DDX60L: variants seen among roughly 807,000 people sequenced by gnomAD.
DDX60L encodes probable ATP-dependent RNA helicase DDX60-like.
In DDX60L, 191 loss-of-function variants were observed where a neutral mutation model predicts 211.6. That is an observed-to-expected ratio of 0.90 (90% confidence interval 0.80 to 1.02). The LOEUF (loss-of-function observed/expected upper bound fraction) is 1.02, where lower values mean the gene tolerates loss of function less well. Among genes scored for constraint, DDX60L ranks in the 50% least tolerant of loss-of-function variants. The pLI is 0.00. For synonymous variants in DDX60L, 706 were observed against 694.1 expected (o/e 1.02, Z -0.27); for missense variants, 2,007 against 1,984.1 (o/e 1.01, Z -0.22).
chr4:168,430,272 C>T (rs1752141527), intron 13 of DDX60L, among the ~76,000 whole-genome samples: 1 of 152,148 alleles, frequency 6.6e-6, no homozygotes. Context: ...TTCTGTACAG[C>T]CTGCAGAACT....
At chr4:168,467,696 A>G (rs1339826704) in intron 4 of DDX60L, among the ~76,000 whole-genome samples, 1 of 152,148 alleles carries the variant, frequency 6.6e-6, no homozygotes, top group Non-Finnish European at 1.5e-5. Context: ...TTCCAAGGAA[A>G]ACTCTAGACC....
intron 30 of DDX60L, among the ~76,000 whole-genome samples, chr4:168,383,534 T>C (rs761680916): frequency 5.9e-5 from 9 of 152,244 alleles, no homozygotes; most frequent in Non-Finnish European, 1.0e-4. Context: ...TGGCTATACA[T>C]TGTTGAACTA....
At chr4:168,420,686 C>CAGAT (rs1561034946) in intron 17 of DDX60L, among the ~76,000 whole-genome samples, 2 of 85,968 alleles carry the variant, frequency 2.3e-5, no homozygotes, top group African/African-American at 8.6e-5. Context: ...GATAGATAGA[C>CAGAT]AGACAGACAG....
intron 34 of DDX60L, among the ~76,000 whole-genome samples, chr4:168,374,558 A>G (rs1428464093): frequency 6.6e-6 from 1 of 152,232 alleles, no homozygotes; most frequent in African/African-American, 2.4e-5. Context: ...GATATTTGCA[A>G]CGTCTGCTAG....
Position 168,361,185 on chromosome 4 carries a change from C to T in DDX60L, c.4955G>A (p.Cys1652Tyr), listed in dbSNP as rs1560913026. 6.2e-7 allele frequency: 1 copy of T among 1,608,472 alleles called. No individual in the cohort carries two copies. Among genetic ancestry groups the T allele is most frequent in the East Asian group, 2.2e-5 (1 of 44,752 alleles). Reference protein sequence around the residue: ...NGMRMGQLLKCLKDFAFNIQA... With the variant: ...NGMRMGQLLKYLKDFAFNIQA... The stretch of plus-strand genomic sequence containing the variant: ...AATGTTGAATGCAAAATCTTTCAAA[C>T]ACTTTAAAAGCTGTCCCATACGCAT... Residue 1652 changes from cysteine (C) to tyrosine (Y), a missense_variant, in exon 37 of 38, where the codon TGT (cysteine) becomes TAT (tyrosine). Physicochemically the swap from Cys to Tyr is radical, Grantham distance 194. Transcript: ENST00000682922.
In DDX60L at chr4:168,421,740, G is replaced by A. The variant is rs922407956; in HGVS notation, c.2394+20C>T. On this transcript the variant is annotated intron_variant, in intron 17 of 37. Coordinates refer to ENST00000682922, the MANE Select transcript of DDX60L (RefSeq NM_001012967.3). ...GATGTTCAGGAACAAAAGCAAAAAT[G>A]AAAGTCATTCAAACACTACCTTTGC... 5.0e-6 allele frequency: 8 copies of A among 1,612,324 alleles called. No individual in the cohort carries two copies. Among genetic ancestry groups the A allele is most frequent in the Non-Finnish European group, 6.8e-6 (8 of 1,178,844 alleles).
At chr4:168,370,893 G>C (rs1740884562) in intron 36 of DDX60L, among the ~76,000 whole-genome samples, 1 of 151,714 alleles carries the variant, frequency 6.6e-6, no homozygotes, top group South Asian at 2.1e-4. Context: ...CGTTCCATGT[G>C]AATTCTAAGT....
At chr4:168,473,471 G>A (rs1167325708) in intron 1 of DDX60L, among the ~76,000 whole-genome samples, 1 of 152,090 alleles carries the variant, frequency 6.6e-6, no homozygotes, top group Non-Finnish European at 1.5e-5. Flanking sequence ...TTATTGGGGG[G>A]CCATTTTGAA....
intron 6 of DDX60L, among the ~76,000 whole-genome samples, chr4:168,457,580 G>T (rs570323158): frequency 1.8e-4 from 27 of 152,192 alleles, no homozygotes; most frequent in African/African-American, 6.3e-4. Context: ...TATGGCAAAT[G>T]ATATCTTAGA....
intron 37 of DDX60L, among the ~76,000 whole-genome samples, 192 bp from the exon 38 acceptor site, chr4:168,358,468 A>C (rs1045181372): frequency 6.6e-6 from 1 of 151,840 alleles, no homozygotes; most frequent in African/African-American, 2.4e-5. Flanking sequence ...ATGTATCTTG[A>C]GAAAGATAAA....
At chr4:168,439,327 T>C (rs967943874) in intron 10 of DDX60L, among the ~76,000 whole-genome samples, 1 of 152,010 alleles carries the variant, frequency 6.6e-6, no homozygotes, top group African/African-American at 2.4e-5. Context: ...CTAGATAATA[T>C]AGAAGAGCCT....
intron 36 of DDX60L, among the ~76,000 whole-genome samples, chr4:168,369,919 A>G (rs1157156418): frequency 5.3e-5 from 8 of 152,192 alleles, no homozygotes; most frequent in Non-Finnish European, 1.2e-4. Context: ...GACAAAAGAA[A>G]GCAAGTGTTG....
At chr4:168,469,992 G>T (rs1392337184) in intron 4 of DDX60L, 1 of 152,112 alleles carries the variant, frequency 6.6e-6, no homozygotes, top group Non-Finnish European at 1.5e-5. Flanking sequence ...AAAAGATAAA[G>T]AACCCAATTT....
Position 168,396,213 on chromosome 4 carries a change from T to C in DDX60L, c.3492-89A>G, listed in dbSNP as rs922558340. On this transcript the variant is annotated intron_variant, in intron 26 of 37. Coordinates refer to ENST00000682922, the MANE Select transcript of DDX60L (RefSeq NM_001012967.3). ...AGCCTAAGGCCCCACAGATTTCCCT[T>C]GGTCATCCGACGTTGACAGTAGCTC... 9.0e-6 allele frequency: 7 copies of C among 778,420 alleles called. No individual in the cohort carries two copies. The Admixed American group carries it at 2.4e-4, about 26-fold the overall frequency. The allele number at this position is 778,420 out of a possible 1,614,324, so 48.2% of individuals were successfully genotyped here.
chr4:168,426,344 T>G (rs1171763521), intron 14 of DDX60L, among the ~76,000 whole-genome samples: 1 of 152,328 alleles, frequency 6.6e-6, no homozygotes, highest in East Asian at 1.9e-4. Flanking sequence ...ATAACCATCA[T>G]GTATATGTCG....
At chr4:168,378,512 A>G (rs1216810533) in intron 32 of DDX60L, 37 bp from the exon 33 acceptor site, 20 of 1,448,494 alleles carry the variant, frequency 1.4e-5, no homozygotes, top group Non-Finnish European at 1.8e-5. Flanking sequence ...AATAAGAATA[A>G]TGTTGATTCC....
intron 9 of DDX60L, among the ~76,000 whole-genome samples, chr4:168,445,365 G>T (rs373459273): frequency 6.9e-6 from 1 of 145,396 alleles, no homozygotes; most frequent in Non-Finnish European, 1.5e-5. Flanking sequence ...AATAACAGGA[G>T]CTGAAATTGT....
intron 14 of DDX60L, 64 bp from the exon 15 acceptor site, chr4:168,423,838 A>G (rs1751043225): frequency 9.3e-7 from 1 of 1,072,070 alleles, no homozygotes; most frequent in Non-Finnish European, 1.3e-6. Context: ...ATCACTTACG[A>G]CAATCATTGA....
intron 31 of DDX60L, 27 bp downstream of exon 31, chr4:168,379,699 G>C (rs1238043261): frequency 6.4e-7 from 1 of 1,572,710 alleles, no homozygotes; most frequent in Middle Eastern, 1.7e-4. Context: ...TAGTTACAGA[G>C]AACAAAAAGC....
Sources: allele counts gnomAD v4.1 joint callset (sites outside exome capture counted in the v4.1 genomes callset), GRCh38; gene constraint gnomAD v4.1.1; transcripts MANE v1.5; gene names NCBI Gene and HGNC (gene_info 2026-07-23, HGNC 2026-07-21).